TDRD5: variants seen among roughly 807,000 people sequenced by gnomAD.
The protein encoded by TDRD5 is tudor domain-containing protein 5.
In TDRD5, 41 loss-of-function variants were observed where a neutral mutation model predicts 120.6. The observed-to-expected ratio is 0.34, with a 90% CI of 0.26 to 0.44. The LOEUF is 0.44. TDRD5 is among the 20% of genes least tolerant of loss of function. The probability of loss-of-function intolerance (pLI) is 1.00; values close to 1 mark genes in which losing one functional copy is unlikely to be tolerated. For synonymous variants in TDRD5, 430 were observed against 433.7 expected (o/e 0.99, Z 0.11); for missense variants, 1,006 against 1,221.2 (o/e 0.82, Z 2.63).
rs1431485709 is a variant in TDRD5 at position 179,668,781 on chromosome 1, C to T, written c.2650-413C>T. On this transcript the variant is annotated intron_variant, in intron 16 of 17. Coordinates refer to ENST00000444136, the MANE Select transcript of TDRD5 (RefSeq NM_001199085.3). ...TTTTTGTGATGGAGTCTCGCTCTGT[C>T]GCCCAGGCTGGAGTGCGGTGGCGCA... 1.2e-4 allele frequency among the ~76,000 whole-genome samples: 15 copies of T among 127,450 alleles called. 1 individual carries two copies. In the East Asian group the frequency reaches 2.1e-3, roughly 18 times the overall value. The allele number at this position is 127,450 out of a possible 152,430, so 83.6% of individuals were successfully genotyped here.
Position 179,669,371 on chromosome 1 carries a change from G to A in TDRD5, c.2827G>A (p.Val943Met). The change falls in exon 17 of 18, where the codon GTG becomes ATG. Residue 943 changes from valine to methionine, a missense_variant. Transcript: ENST00000444136. ...AGCAGCACCCTGTTCAACAACTGCA[G>A]TGGATGATTCCGCAGAAAAGCCCTC... ...STAAPCSTTA[V>M]DDSAEKPSGS... 2 of 1,614,218 alleles carry A rather than the reference G, an allele frequency of 1.2e-6. No individual in the cohort carries two copies. Among genetic ancestry groups the A allele is most frequent in the East Asian group, 2.2e-5 (1 of 44,882 alleles).
At chr1:179,675,523 C>T (rs1291842592) in intron 17 of TDRD5, among the ~76,000 whole-genome samples, 2 of 151,638 alleles carry the variant, frequency 1.3e-5, no homozygotes, top group African/African-American at 4.8e-5. Context: ...TCGTGATCCG[C>T]CCGCCTCGGC....
intron 14 of TDRD5, among the ~76,000 whole-genome samples, chr1:179,658,092 T>G (rs956510528): frequency 2.0e-5 from 3 of 152,216 alleles, no homozygotes; most frequent in African/African-American, 7.2e-5. Context: ...TATTCCTCTT[T>G]CTGTATCTGG....
Position 179,638,792 on chromosome 1 carries a change from CTG to C in TDRD5, c.1521-1044_1521-1043del, listed in dbSNP as rs1158006099. ...CAACCCAGAATTTTCACTCTTAAAA[CTG>C]TGGGTAAAATACACATTAAATATAT... On this transcript the variant is annotated intron_variant, in intron 9 of 17. Coordinates refer to ENST00000444136, the MANE Select transcript of TDRD5 (RefSeq NM_001199085.3). 2.3e-5 allele frequency among the ~76,000 whole-genome samples: 3 copies of C among 127,834 alleles called. 1 individual carries two copies. The highest frequency in any genetic ancestry group is 8.3e-5 in the African/African-American group (3 of 36,016). 83.9% of individuals were successfully genotyped at this position (127,834 alleles called of 152,430 possible).
intron 16 of TDRD5, among the ~76,000 whole-genome samples, chr1:179,667,431 G>A (rs569512976): frequency 9.2e-5 from 14 of 152,256 alleles, no homozygotes; most frequent in Admixed American, 5.9e-4. Context: ...AAAAAGCACT[G>A]GTCTGTGAGT....
intron 17 of TDRD5, among the ~76,000 whole-genome samples, chr1:179,684,052 ATTTTTTTTATTATACT>A (rs1680570079): frequency 1.3e-5 from 2 of 151,432 alleles, no homozygotes; most frequent in South Asian, 4.2e-4. Flanking sequence ...CTTTTATTTC[ATTTTTTTTATTATACT>A]TTAAGTTTTA....
chr1:179,671,417 A>G (rs550802562), intron 17 of TDRD5, among the ~76,000 whole-genome samples: 1 of 152,284 alleles, frequency 6.6e-6, no homozygotes, highest in Admixed American at 6.5e-5. Flanking sequence ...TTGTAGATCA[A>G]TTTGAGGAGA....
intron 17 of TDRD5, among the ~76,000 whole-genome samples, chr1:179,670,705 C>G (rs908284905): frequency 1.3e-5 from 2 of 152,134 alleles, no homozygotes; most frequent in East Asian, 3.9e-4. Flanking sequence ...ATTCATATAT[C>G]TTCTTTAGCT....
intron 17 of TDRD5, among the ~76,000 whole-genome samples, chr1:179,685,814 G>A (rs939783362): frequency 5.3e-5 from 8 of 152,044 alleles, no homozygotes; most frequent in African/African-American, 1.7e-4. Flanking sequence ...ATTGTGAATG[G>A]GAGTTCACTC....
At chr1:179,626,993 A>C (rs577911692) in intron 6 of TDRD5, among the ~76,000 whole-genome samples, 1 of 152,302 alleles carries the variant, frequency 6.6e-6, no homozygotes, top group Admixed American at 6.5e-5. Flanking sequence ...TTCTGGACTT[A>C]AAAGAAAAAA....
chr1:179,595,641 C>G lies in TDRD5; in HGVS notation c.654C>G (p.Thr218=), dbSNP rs775357578. 11 of 1,557,660 alleles carry G rather than the reference C, an allele frequency of 7.1e-6. No individual in the cohort carries two copies. The highest frequency in any genetic ancestry group is 9.5e-6 in the Non-Finnish European group (11 of 1,156,590). Residue 218 remains threonine, a synonymous_variant, in exon 4 of 18, where the codon ACC becomes ACG. Coordinates refer to ENST00000444136, the MANE Select transcript of TDRD5 (RefSeq NM_001199085.3). ...TACTCACAAAAGGTAAAATTTTTAC[C>G]CAGCCATTTAGAATGAAACAAGGGT... The part of the protein sequence containing the change: ...PRGCPAGKIF[T]QPFRMKQGSY...
intron 3 of TDRD5, among the ~76,000 whole-genome samples, 178 bp from the exon 4 acceptor site, chr1:179,595,450 A>G (rs1572321093): frequency 6.6e-6 from 1 of 152,182 alleles, no homozygotes; most frequent in Non-Finnish European, 1.5e-5. Context: ...ATGGATGACT[A>G]ATAACTTACA....
chr1:179,682,177 A>C (rs966857711), intron 17 of TDRD5, among the ~76,000 whole-genome samples: 2 of 150,250 alleles, frequency 1.3e-5, no homozygotes, highest in African/African-American at 4.9e-5. Context: ...GGTCATATAC[A>C]TTCTTTGTCT....
chr1:179,648,319 T>C (rs1475342695), intron 11 of TDRD5, among the ~76,000 whole-genome samples: 1 of 144,316 alleles, frequency 6.9e-6, no homozygotes, highest in East Asian at 2.1e-4. Flanking sequence ...AAATTGGAAA[T>C]CATCATTCTC....
chr1:179,619,772 C>G (rs986263362), intron 5 of TDRD5, among the ~76,000 whole-genome samples: 1 of 152,012 alleles, frequency 6.6e-6, no homozygotes, highest in African/African-American at 2.4e-5. Context: ...GAGGTGCATG[C>G]CACCACACCC....
chr1:179,653,031 T>G (rs1678803951), intron 13 of TDRD5, among the ~76,000 whole-genome samples: 1 of 152,208 alleles, frequency 6.6e-6, no homozygotes, highest in South Asian at 2.1e-4. Flanking sequence ...ATCCAAAATC[T>G]GAAACACTTT....
At position 179,638,642 on chromosome 1, in the gene TDRD5, T is replaced by C. The variant is rs1677891717; in HGVS notation, c.1521-1197T>C. On this transcript the variant is annotated intron_variant, in intron 9 of 17. Transcript: ENST00000444136. The stretch of plus-strand genomic sequence containing the variant: ...AGAATCTTGCTGCTCCAGAATAGTG[T>C]GTTGTCCCTGTTCACGTGGTCTTGG... Among the ~76,000 whole-genome samples, 2 of 127,238 alleles carry C rather than the reference T, an allele frequency of 1.6e-5. 1 individual carries two copies. Among genetic ancestry groups the C allele is most frequent in the Non-Finnish European group, 3.5e-5 (2 of 57,508 alleles). The allele number at this position is 127,238 out of a possible 152,430, so 83.5% of individuals were successfully genotyped here.
chr1:179,676,958 TTTCTC>T (rs1227095402), intron 17 of TDRD5, among the ~76,000 whole-genome samples: 1 of 152,210 alleles, frequency 6.6e-6, no homozygotes, highest in African/African-American at 2.4e-5. Context: ...TACTTTTAGA[TTTCTC>T]TTCTTCTTCA....
chr1:179,671,370 C>T (rs1475347688), intron 17 of TDRD5, among the ~76,000 whole-genome samples: 2 of 152,080 alleles, frequency 1.3e-5, no homozygotes, highest in African/African-American at 4.8e-5. Context: ...CTGCACAAAG[C>T]CTGCTAAGAT....
Sources: gnomAD v4.1 joint callset for allele counts (sites outside exome capture counted in the v4.1 genomes callset) on GRCh38, gnomAD v4.1.1 for gene constraint, MANE v1.5 for transcripts, NCBI Gene and HGNC (gene_info 2026-07-23, HGNC 2026-07-21) for gene names.